Variants in COL28A1 observed in about 807,000 individuals in gnomAD.
COL28A1 encodes collagen type XXVIII alpha 1 chain.
A neutral mutation model predicts 150.2 loss-of-function variants in COL28A1; 161 were observed. The ratio of observed to expected loss-of-function variants is 1.07; its 90% CI spans 0.94 to 1.22. The LOEUF (loss-of-function observed/expected upper bound fraction) is 1.22. Ranked by LOEUF, COL28A1 falls within the 50% of genes most tolerant of loss-of-function variation. The pLI is 0.00. For missense variants in COL28A1, 1,617 were observed against 1,388.3 expected (o/e 1.16, Z -2.62); for synonymous variants, 552 against 469.7 (o/e 1.18, Z -2.26).
rs114466480 is a variant in COL28A1, at chr7:7,423,397, G to A, written c.1999-3444C>T. ...ACAATATCCAGCAAAAGTCTCTCCAGTGAACCTGAGATAGTGTTGCTGTAA... is the reference window on the plus strand; with the variant it reads ...ACAATATCCAGCAAAAGTCTCTCCAATGAACCTGAGATAGTGTTGCTGTAA... On this transcript the variant is annotated intron_variant, in intron 25 of 34. Coordinates refer to ENST00000399429, the MANE Select transcript of COL28A1 (RefSeq NM_001037763.3). Among the ~76,000 whole-genome samples the A allele has an allele frequency of 5.4e-3, 825 of 152,258 alleles. 11 individuals are homozygous for A. The highest frequency in any genetic ancestry group is 0.019 in the African/African-American group (793 of 41,538).
At chr7:7,476,539 T>C (rs1266458077) in intron 14 of COL28A1, among the ~76,000 whole-genome samples, 1 of 152,224 alleles carries the variant, frequency 6.6e-6, no homozygotes, top group East Asian at 1.9e-4. Flanking sequence ...TCACAAAGCC[T>C]AAAATATTTG....
chr7:7,515,848 A>C lies in COL28A1; in HGVS notation c.856-8T>G, dbSNP rs1374633057. ...CTTGTACCCAGGAATTCCCTAATTT[A>C]AAAAGAAAATAAAAAGTAAAATATG... On this transcript the variant is annotated splice_region_variant and splice_polypyrimidine_tract_variant and intron_variant, in intron 7 of 34. Coordinates refer to ENST00000399429, the MANE Select transcript of COL28A1 (RefSeq NM_001037763.3). The C allele has an allele frequency of 2.0e-6, 2 of 998,900 alleles. No individual in the cohort carries two copies. Among genetic ancestry groups the C allele is most frequent in the Non-Finnish European group, 3.2e-6 (2 of 621,430 alleles). The allele number at this position is 998,900 out of a possible 1,614,324, so 61.9% of individuals were successfully genotyped here.
rs749157322 is a variant in COL28A1, at chr7:7,506,012, A to G, written c.1026+2T>C. 3.8e-6 allele frequency: 5 copies of G among 1,309,100 alleles called. No individual in the cohort carries two copies. Among genetic ancestry groups the G allele is most frequent in the Non-Finnish European group, 5.5e-6 (5 of 901,276 alleles). The allele number at this position is 1,309,100 out of a possible 1,614,324, so 81.1% of individuals were successfully genotyped here. A position where few individuals can be genotyped will look rare whatever the true frequency, so the allele number is the denominator to read the frequency against. ...CTGTCTTTAATCAAAGGGTAAGATT[A>G]CCTTATTGCCTTGAAACCCCTTTGG... On this transcript the variant is annotated splice_donor_variant, in intron 11 of 34. Transcript: ENST00000399429. LOFTEE classifies it high-confidence loss of function.
chr7:7,343,491 AT>A, the COL28A1 span, among the ~76,000 whole-genome samples: 8 of 152,050 alleles, frequency 5.3e-5, no homozygotes, highest in African/African-American at 1.9e-4. Flanking sequence ...TCGGCTGTTA[AT>A]TTATGTGTTA....
intron 23 of COL28A1, among the ~76,000 whole-genome samples, chr7:7,434,136 G>A (rs762480556): frequency 2.0e-5 from 3 of 152,138 alleles, no homozygotes; most frequent in Non-Finnish European, 4.4e-5. Context: ...AAATCTAAAA[G>A]GCTGTTTTTA....
chr7:7,387,743 T>C (rs1024869911), intron 27 of COL28A1, among the ~76,000 whole-genome samples: 1 of 152,186 alleles, frequency 6.6e-6, no homozygotes, highest in African/African-American at 2.4e-5. Context: ...TAAACATTAA[T>C]ACATAAAATG....
intron 8 of COL28A1, among the ~76,000 whole-genome samples, chr7:7,513,517 C>T (rs1781261070): frequency 6.6e-6 from 1 of 152,228 alleles, no homozygotes; most frequent in Non-Finnish European, 1.5e-5. Flanking sequence ...TCTCTCTTCA[C>T]ATCCTTTCGT....
chr7:7,342,197 T>A, the COL28A1 span, among the ~76,000 whole-genome samples: 1 of 152,126 alleles, frequency 6.6e-6, no homozygotes, highest in Non-Finnish European at 1.5e-5. Flanking sequence ...GAAATCTCTA[T>A]CTCCAATAAT....
At chr7:7,446,281 CTATA>C (rs1206991028) in intron 18 of COL28A1, among the ~76,000 whole-genome samples, 1 of 151,774 alleles carries the variant, frequency 6.6e-6, no homozygotes, top group African/African-American at 2.4e-5. Context: ...AAAGACATAA[CTATA>C]TATATAGTAA....
intron 27 of COL28A1, 85 bp from the exon 28 acceptor site, chr7:7,381,697 T>G (rs1363633220): frequency 2.0e-4 from 166 of 833,796 alleles, no homozygotes; most frequent in Non-Finnish European, 3.2e-4. Context: ...ACTTACGGTT[T>G]AAAACTGCAT....
chr7:7,498,550 T>C (rs913502800), intron 11 of COL28A1, among the ~76,000 whole-genome samples: 2 of 152,174 alleles, frequency 1.3e-5, no homozygotes, highest in Admixed American at 6.6e-5. Flanking sequence ...CTGGTGATGG[T>C]TATACAACAC....
chr7:7,523,135 CT>C (rs1235795222), intron 4 of COL28A1, among the ~76,000 whole-genome samples: 1 of 150,098 alleles, frequency 6.7e-6, no homozygotes, highest in South Asian at 2.1e-4. Context: ...CATAGATAAG[CT>C]AGCAAGGGTT....
intron 15 of COL28A1, among the ~76,000 whole-genome samples, chr7:7,464,742 C>T (rs1787924749): frequency 6.6e-6 from 1 of 152,166 alleles, no homozygotes; most frequent in South Asian, 2.1e-4. Context: ...TTTAAGGTCA[C>T]ACCTCAAGGA....
At chr7:7,453,184 G>T (rs4455736) in intron 17 of COL28A1, among the ~76,000 whole-genome samples, 1 of 152,012 alleles carries the variant, frequency 6.6e-6, no homozygotes, top group Admixed American at 6.6e-5. Context: ...GTTTGAGTTG[G>T]TAGAATAGGA....
intron 11 of COL28A1, among the ~76,000 whole-genome samples, chr7:7,495,392 G>A (rs1326832506): frequency 1.3e-5 from 2 of 152,150 alleles, no homozygotes; most frequent in African/African-American, 4.8e-5. Flanking sequence ...TCAGTACCAT[G>A]AACAGTACCA....
Position 7,484,936 on chromosome 7 carries a change from G to A in COL28A1, c.1164+4453C>T, listed in dbSNP as rs146483096. 4.6e-3 allele frequency among the ~76,000 whole-genome samples: 707 copies of A among 152,168 alleles called. 5 individuals are homozygous for A. Among genetic ancestry groups the A allele is most frequent in the East Asian group, 0.022 (115 of 5,176 alleles). On this transcript the variant is annotated intron_variant, in intron 13 of 34. Transcript: ENST00000399429. ...GGGAGCTAAATACTGAGAACACAAG[G>A]ACACAAAGAAGGGAACAGCAGACAC...
chr7:7,368,572 G>A (rs1781061264), intron 33 of COL28A1, among the ~76,000 whole-genome samples: 1 of 152,104 alleles, frequency 6.6e-6, no homozygotes, highest in African/African-American at 2.4e-5. Context: ...GGTATTTGAA[G>A]GTGGGGACTT....
At chr7:7,502,101 G>T (rs1780565515) in intron 11 of COL28A1, among the ~76,000 whole-genome samples, 1 of 152,078 alleles carries the variant, frequency 6.6e-6, no homozygotes, top group African/African-American at 2.4e-5. Context: ...CACCATCTTG[G>T]CCAGGCTGGT....
chr7:7,501,117 G>T (rs1312171151), intron 11 of COL28A1, among the ~76,000 whole-genome samples: 1 of 152,126 alleles, frequency 6.6e-6, no homozygotes, highest in Non-Finnish European at 1.5e-5. Context: ...TGAACATAAA[G>T]TAAGACCAAG....
Sources: allele counts gnomAD v4.1 joint callset (sites outside exome capture counted in the v4.1 genomes callset), GRCh38; gene constraint gnomAD v4.1.1; transcripts MANE v1.5; gene names NCBI Gene and HGNC (gene_info 2026-07-23, HGNC 2026-07-21).